The following ZEB1 variants were observed in gnomAD, a reference collection of about 807,000 sequenced individuals.
ZEB1 encodes zinc finger E-box-binding homeobox 1.
ZEB1 carries 21 observed loss-of-function variants against 84.9 expected under a neutral mutation model. The ratio of observed to expected loss-of-function variants is 0.25; its 90% CI spans 0.18 to 0.36. ZEB1 has a LOEUF of 0.36. Ranked by LOEUF, ZEB1 falls within the 10% of genes least tolerant of loss-of-function variation. ZEB1 has a pLI of 1.00. For synonymous variants in ZEB1, 420 were observed against 471.1 expected (o/e 0.89, Z 1.41); for missense variants, 1,104 against 1,330.2 (o/e 0.83, Z 2.65).
chr10:31,400,169 C>G (rs1448410323), intron 1 of ZEB1, among the ~76,000 whole-genome samples: 1 of 152,104 alleles, frequency 6.6e-6, no homozygotes, highest in South Asian at 2.1e-4. Context: ...TTGCCTTCCT[C>G]CACTAGAATA....
intron 2 of ZEB1, among the ~76,000 whole-genome samples, chr10:31,481,631 C>G (rs909633888): frequency 2.0e-5 from 3 of 151,826 alleles, no homozygotes; most frequent in African/African-American, 7.3e-5. Flanking sequence ...TGAGACCAAC[C>G]TGGGCAACTT....
At chr10:31,455,158 G>T (rs926777580) in intron 1 of ZEB1, among the ~76,000 whole-genome samples, 3 of 152,156 alleles carry the variant, frequency 2.0e-5, no homozygotes, top group Non-Finnish European at 4.4e-5. Context: ...AACAAGAAAT[G>T]GGGAAAAGAT....
chr10:31,515,828 T>C (rs901992779), intron 6 of ZEB1, among the ~76,000 whole-genome samples: 2 of 152,102 alleles, frequency 1.3e-5, no homozygotes, highest in African/African-American at 2.4e-5. Flanking sequence ...TTAGCTTCTA[T>C]GCTATTGAAC....
intron 1 of ZEB1, among the ~76,000 whole-genome samples, chr10:31,459,972 C>T (rs1489759302): frequency 6.6e-6 from 1 of 151,426 alleles, no homozygotes; most frequent in African/African-American, 2.4e-5. Flanking sequence ...GAAAGAATAA[C>T]TGATAGTAAT....
chr10:31,410,761 AT>A (rs1245677667), intron 1 of ZEB1, among the ~76,000 whole-genome samples: 1 of 151,920 alleles, frequency 6.6e-6, no homozygotes, highest in Admixed American at 6.6e-5. Flanking sequence ...GAATTTATTC[AT>A]TTTTTCCTAG....
rs1201748464 is a variant in ZEB1, at chr10:31,408,897, G to A, written c.59-52140G>A. On this transcript the variant is annotated intron_variant, in intron 1 of 8. Transcript: ENST00000424869. ...AACAAAAGCCAAAATTGACAAATGGGATCTAATTAAACTAAAGAGCTTCTG... is the reference window on the plus strand; with the variant it reads ...AACAAAAGCCAAAATTGACAAATGGAATCTAATTAAACTAAAGAGCTTCTG... Among the ~76,000 whole-genome samples the A allele has an allele frequency of 5.3e-5, 8 of 149,888 alleles. No homozygotes were observed. In the East Asian group the frequency reaches 1.2e-3, roughly 22 times the overall value.
At chr10:31,466,363 G>A (rs1276357606) in intron 2 of ZEB1, among the ~76,000 whole-genome samples, 1 of 152,078 alleles carries the variant, frequency 6.6e-6, no homozygotes, top group Non-Finnish European at 1.5e-5. Flanking sequence ...TATTTGTTAG[G>A]CCACAAGATA....
At chr10:31,376,127 T>C (rs2046578142) in intron 1 of ZEB1, among the ~76,000 whole-genome samples, 1 of 151,798 alleles carries the variant, frequency 6.6e-6, no homozygotes, top group Admixed American at 6.6e-5. Flanking sequence ...TCATTCAGTA[T>C]ATTCTTACCA....
At chr10:31,463,825 G>A (rs889087101) in intron 2 of ZEB1, among the ~76,000 whole-genome samples, 3 of 152,152 alleles carry the variant, frequency 2.0e-5, no homozygotes, top group African/African-American at 7.2e-5. Flanking sequence ...GTCTTTTGGA[G>A]AAATATACCT....
At chr10:31,455,319 A>T (rs1024978743) in intron 1 of ZEB1, among the ~76,000 whole-genome samples, 1 of 152,216 alleles carries the variant, frequency 6.6e-6, no homozygotes, top group African/African-American at 2.4e-5. Context: ...CCTAGAAGAA[A>T]ACCTGAGTAA....
At chr10:31,506,464 G>A (rs1441987208) in intron 4 of ZEB1, among the ~76,000 whole-genome samples, 1 of 151,938 alleles carries the variant, frequency 6.6e-6, no homozygotes, top group Non-Finnish European at 1.5e-5. Context: ...GTACATATAT[G>A]TTAAGAATTG....
At chr10:31,410,655 G>C (rs1381050280) in intron 1 of ZEB1, among the ~76,000 whole-genome samples, 2 of 152,070 alleles carry the variant, frequency 1.3e-5, no homozygotes, top group Admixed American at 1.3e-4. Context: ...TGGTTGGTAG[G>C]CTATTAATTA....
chr10:31,449,227 C>G (rs1486183213), intron 1 of ZEB1, among the ~76,000 whole-genome samples: 1 of 152,240 alleles, frequency 6.6e-6, no homozygotes, highest in African/African-American at 2.4e-5. Flanking sequence ...ACTCCCTGAC[C>G]CCTTGCGCTT....
chr10:31,426,349 TAGTTA>T (rs2056924186), intron 1 of ZEB1, among the ~76,000 whole-genome samples: 1 of 152,110 alleles, frequency 6.6e-6, no homozygotes, highest in South Asian at 2.1e-4. Flanking sequence ...CAGCTATTCT[TAGTTA>T]AGAGATACTT....
chr10:31,329,061 C>G (rs1246943729), intron 1 of ZEB1, among the ~76,000 whole-genome samples: 1 of 151,986 alleles, frequency 6.6e-6, no homozygotes, highest in African/African-American at 2.4e-5. Flanking sequence ...AGATATACCA[C>G]TATGCATGTA....
chr10:31,479,168 G>A (rs1319855791), intron 2 of ZEB1, among the ~76,000 whole-genome samples: 6 of 151,650 alleles, frequency 4.0e-5, no homozygotes, highest in South Asian at 2.1e-4. Flanking sequence ...GAATAGAAAC[G>A]TACAACCTAC....
At chr10:31,389,205 TC>T (rs2135163097) in intron 1 of ZEB1, among the ~76,000 whole-genome samples, 1 of 152,200 alleles carries the variant, frequency 6.6e-6, no homozygotes, top group Middle Eastern at 3.4e-3. Context: ...CTTATCCATC[TC>T]AATTCATAGG....
intron 1 of ZEB1, among the ~76,000 whole-genome samples, chr10:31,347,554 A>G (rs192545454): frequency 3.3e-5 from 5 of 152,252 alleles, no homozygotes; most frequent in Non-Finnish European, 7.4e-5. Flanking sequence ...TTTAGCATAC[A>G]TTCATGTATT....
intron 1 of ZEB1, among the ~76,000 whole-genome samples, chr10:31,364,301 C>T (rs2044011069): frequency 6.6e-6 from 1 of 152,196 alleles, no homozygotes; most frequent in Non-Finnish European, 1.5e-5. Flanking sequence ...GGATATCCTG[C>T]TCCTGGGGGC....
Sources: allele counts gnomAD v4.1 joint callset (sites outside exome capture counted in the v4.1 genomes callset), GRCh38; gene constraint gnomAD v4.1.1; transcripts MANE v1.5; gene names NCBI Gene and HGNC (gene_info 2026-07-23, HGNC 2026-07-21).